Variants in KALRN observed in about 807,000 individuals in gnomAD.
KALRN encodes the protein kalirin RhoGEF kinase, also known as kalirin.
Under a neutral mutation model 353.7 loss-of-function variants are expected in KALRN, and 70 were observed. The ratio of observed to expected loss-of-function variants is 0.20; its 90% CI spans 0.16 to 0.24. The LOEUF (loss-of-function observed/expected upper bound fraction) is 0.24, where lower values mean the gene tolerates loss of function less well. KALRN is among the 10% of genes least tolerant of loss of function. The pLI, the probability that KALRN is intolerant of heterozygous loss-of-function variation, is 1.00. For missense variants in KALRN, 2,791 were observed against 3,756.7 expected (o/e 0.74, Z 6.72); for synonymous variants, 1,391 against 1,434.8 (o/e 0.97, Z 0.69).
chr3:124,620,944 G>T (rs1485544485), intron 34 of KALRN, among the ~76,000 whole-genome samples: 1 of 152,214 alleles, frequency 6.6e-6, no homozygotes, highest in Admixed American at 6.5e-5. Flanking sequence ...CCAGGGTCGT[G>T]GGGAGGACAG....
At chr3:124,243,636 G>A (rs1453835481) in intron 3 of KALRN, among the ~76,000 whole-genome samples, 1 of 152,140 alleles carries the variant, frequency 6.6e-6, no homozygotes, top group Non-Finnish European at 1.5e-5. Flanking sequence ...AGAAAGAATG[G>A]GCTGCAGGGA....
At chr3:124,650,159 A>G (rs2083260002) in intron 37 of KALRN, among the ~76,000 whole-genome samples, 1 of 152,166 alleles carries the variant, frequency 6.6e-6, no homozygotes, top group South Asian at 2.1e-4. Context: ...GGACACTTGT[A>G]AAAGTGTTAA....
rs2063354448 is a variant in KALRN, at chr3:124,721,519, A to G, written c.*2049A>G. ...GGTTACTAAAATTTTTCAAAATGTA[A>G]AACATATTTAGTAAAAAAATTTTAG... On this transcript the variant is annotated 3_prime_UTR_variant, in exon 60 of 60. Transcript: ENST00000682506. 6.6e-6 allele frequency: 1 copy of G among 152,208 alleles called. No individual in the cohort carries two copies. The highest frequency in any genetic ancestry group is 2.4e-5 in the African/African-American group (1 of 41,470). 9.4% of individuals were successfully genotyped at this position (152,208 alleles called of 1,614,324 possible).
intron 1 of KALRN, among the ~76,000 whole-genome samples, chr3:124,053,371 A>T (rs1056154265): frequency 2.0e-5 from 3 of 152,224 alleles, no homozygotes; most frequent in Non-Finnish European, 4.4e-5. Flanking sequence ...CAAGAAATTT[A>T]ATGGTGGGGT....
chr3:124,688,653 C>T (rs3772794), intron 51 of KALRN, among the ~76,000 whole-genome samples: 12,755 of 151,990 alleles, frequency 0.084, 892 homozygotes, highest in East Asian at 0.32. Flanking sequence ...GTTCTCAATA[C>T]GTAGTTTTGA....
chr3:124,468,340 A>G (rs974786677), intron 25 of KALRN, among the ~76,000 whole-genome samples: 1 of 152,088 alleles, frequency 6.6e-6, no homozygotes, highest in African/African-American at 2.4e-5. Flanking sequence ...CCCTTGAAAC[A>G]CAAGGGGGGG....
At chr3:124,098,100 A>G (rs762289300) in intron 1 of KALRN, among the ~76,000 whole-genome samples, 7 of 152,222 alleles carry the variant, frequency 4.6e-5, no homozygotes, top group Non-Finnish European at 7.3e-5. Flanking sequence ...CTTTGTTTAC[A>G]TGTAATTTTT....
intron 46 of KALRN, 70 bp downstream of exon 46, chr3:124,666,704 G>A (rs2085673156): frequency 6.2e-6 from 8 of 1,286,036 alleles, no homozygotes; most frequent in South Asian, 1.3e-5. Flanking sequence ...TCCCTAAGAC[G>A]AGGCCCTGGA....
At chr3:124,291,991 TG>T in intron 5 of KALRN, among the ~76,000 whole-genome samples, 1 of 152,262 alleles carries the variant, frequency 6.6e-6, no homozygotes, top group African/African-American at 2.4e-5. Flanking sequence ...AAATACTCTG[TG>T]GTCTGCAGGG....
chr3:124,285,384 T>C (rs2075734133), intron 5 of KALRN, among the ~76,000 whole-genome samples: 1 of 152,190 alleles, frequency 6.6e-6, no homozygotes, highest in Non-Finnish European at 1.5e-5. Context: ...TCTGGCTAAT[T>C]AAATTTAGTG....
At chr3:124,551,416 T>C (rs2070515253) in intron 33 of KALRN, among the ~76,000 whole-genome samples, 1 of 152,230 alleles carries the variant, frequency 6.6e-6, no homozygotes, top group South Asian at 2.1e-4. Context: ...CCGTTGCTGA[T>C]ACCAATTCTA....
chr3:124,257,999 G>C (rs1372391069), intron 3 of KALRN, among the ~76,000 whole-genome samples: 1 of 152,140 alleles, frequency 6.6e-6, no homozygotes, highest in South Asian at 2.1e-4. Context: ...AAAAAAGCAG[G>C]CTACCTGTTA....
At position 124,438,912 on chromosome 3, in the gene KALRN, G is replaced by C; in HGVS notation, c.3073G>C (p.Glu1025Gln). 6.2e-7 allele frequency: 1 copy of C among 1,614,080 alleles called. No individual in the cohort carries two copies. The highest frequency in any genetic ancestry group is 8.5e-7 in the Non-Finnish European group (1 of 1,179,972). The change falls in exon 18 of 60, where the codon GAG becomes CAG. Residue 1025 changes from glutamate to glutamine, a missense_variant. Transcript: ENST00000682506. ...EQVCSVLESL[E>Q]QEYRRDEDWC... ...GGTGTGTAGTGTCCTGGAGAGCTTA[G>C]AGCAAGAATACCGGAGAGATGAGGA...
At chr3:124,185,529 C>T (rs1206826909) in intron 1 of KALRN, among the ~76,000 whole-genome samples, 4 of 152,204 alleles carry the variant, frequency 2.6e-5, no homozygotes, top group African/African-American at 9.6e-5. Context: ...TGGATTGTAT[C>T]CACTGTGATC....
intron 32 of KALRN, 25 bp downstream of exon 32, chr3:124,492,907 A>G (rs2063321611): frequency 6.2e-7 from 1 of 1,609,136 alleles, no homozygotes; most frequent in South Asian, 1.1e-5. Context: ...TCCCTCCAGC[A>G]CTGCCTGCCT....
At chr3:124,233,021 A>G (rs1044574564) in intron 2 of KALRN, among the ~76,000 whole-genome samples, 1 of 152,114 alleles carries the variant, frequency 6.6e-6, no homozygotes, top group African/African-American at 2.4e-5. Context: ...CCAGCCATCT[A>G]AAAAGCTCCC....
chr3:124,536,053 T>C (rs968325289), intron 33 of KALRN, among the ~76,000 whole-genome samples: 6 of 152,120 alleles, frequency 3.9e-5, no homozygotes, highest in Non-Finnish European at 5.9e-5. Flanking sequence ...ATGCCTGCAA[T>C]AGCTGCAAGG....
intron 33 of KALRN, among the ~76,000 whole-genome samples, chr3:124,502,519 G>C (rs925803952): frequency 1.3e-5 from 2 of 152,152 alleles, no homozygotes; most frequent in African/African-American, 4.8e-5. Flanking sequence ...AAAGGGGATG[G>C]GTTTTCAAAT....
At chr3:124,581,720 G>A in intron 34 of KALRN, among the ~76,000 whole-genome samples, 1 of 152,156 alleles carries the variant, frequency 6.6e-6, no homozygotes, top group East Asian at 1.9e-4. Flanking sequence ...GATTGGGTGG[G>A]TAAACCAAAT....
Sources: allele counts gnomAD v4.1 joint callset (sites outside exome capture counted in the v4.1 genomes callset), GRCh38; gene constraint gnomAD v4.1.1; transcripts MANE v1.5; gene names NCBI Gene and HGNC (gene_info 2026-07-23, HGNC 2026-07-21).